Variants in SLC9A1 observed in about 807,000 individuals in gnomAD.
SLC9A1 encodes the protein solute carrier family 9 member A1.
A neutral mutation model predicts 67.9 loss-of-function variants in SLC9A1; 22 were observed. That is an observed-to-expected ratio of 0.32 (90% CI 0.23 to 0.46). The LOEUF (loss-of-function observed/expected upper bound fraction) is 0.46. Among genes scored for constraint, SLC9A1 ranks in the 20% least tolerant of loss-of-function variants. SLC9A1 has a pLI of 1.00. For synonymous variants in SLC9A1, 421 were observed against 471.8 expected (o/e 0.89, Z 1.40); for missense variants, 686 against 1,094.8 (o/e 0.63, Z 5.27).
chr1:27,106,393 C>T lies in SLC9A1; in HGVS notation c.1283-306G>A, dbSNP rs1302161399. On this transcript the variant is annotated intron_variant, in intron 4 of 11. Coordinates refer to ENST00000263980, the MANE Select transcript of SLC9A1 (RefSeq NM_003047.5). The surrounding 1 kb of genome is among the most constrained non-coding windows in gnomAD (Gnocchi z 4.3). ...AAACAAGATGGGTCACAGGTCAATA[C>T]TTGTTAAATGTGATGGGTGTGTGGG... is the stretch of plus-strand genomic sequence containing the variant. Among the ~76,000 whole-genome samples, 1 of 152,118 alleles carries T rather than the reference C, an allele frequency of 6.6e-6. No homozygotes were observed. Among genetic ancestry groups the T allele is most frequent in the Non-Finnish European group, 1.5e-5 (1 of 67,994 alleles).
At chr1:27,103,435 G>A (rs1028574267) in intron 5 of SLC9A1, 123 bp from the exon 6 acceptor site, 2 of 746,710 alleles carry the variant, frequency 2.7e-6, no homozygotes, top group South Asian at 2.8e-5. Flanking sequence ...CTCTCTCCCA[G>A]GACCCAAGGG....
intron 1 of SLC9A1, among the ~76,000 whole-genome samples, chr1:27,148,771 C>A (rs1236371326): frequency 6.6e-6 from 1 of 152,146 alleles, no homozygotes; most frequent in African/African-American, 2.4e-5. Context: ...AAAGTTGTGC[C>A]ACCTGCTCCC....
intron 1 of SLC9A1, among the ~76,000 whole-genome samples, chr1:27,123,391 T>C (rs1429028688): frequency 6.6e-6 from 1 of 152,234 alleles, no homozygotes; most frequent in Non-Finnish European, 1.5e-5. Context: ...ACACATGCTG[T>C]GCTTCAACTG....
In SLC9A1 at chr1:27,109,901, AGCAGAGAAACCCTAGTG is replaced by A; in HGVS notation, c.814-141_814-125del. Reference sequence around the variant, plus strand: ...TGGCCACAAGAAGAGGCCACACGGTAGCAGAGAAACCCTAGTGCCAAGCAGGTGCTCAAAACCTCAGC... The same window carrying A: ...TGGCCACAAGAAGAGGCCACACGGTACCAAGCAGGTGCTCAAAACCTCAGC... On this transcript the variant is annotated intron_variant, in intron 2 of 11. Coordinates refer to ENST00000263980, the MANE Select transcript of SLC9A1 (RefSeq NM_003047.5). This position sits in a 1 kb window ranked among gnomAD's most constrained non-coding sequence, Gnocchi z 5.5. The A allele has an allele frequency of 8.7e-7, 1 of 1,147,490 alleles. No individual in the cohort carries two copies. 71.1% of individuals were successfully genotyped at this position (1,147,490 alleles called of 1,614,324 possible). A position where few individuals can be genotyped will look rare whatever the true frequency, so the allele number is the denominator to read the frequency against.
In SLC9A1 at chr1:27,100,251, C is replaced by A; in HGVS notation, c.*56G>T. The A allele has an allele frequency of 2.2e-6, 3 of 1,334,620 alleles. No homozygotes were observed. The allele number at this position is 1,334,620 out of a possible 1,614,324, so 82.7% of individuals were successfully genotyped here. A position where few individuals can be genotyped will look rare whatever the true frequency, so the allele number is the denominator to read the frequency against. Reference sequence around the variant, plus strand: ...AAGGGCAAGGGGAGCCCCCAGCAGCCCCTGCTCTGGTGGAAGAGTCTGTGA... The same window carrying A: ...AAGGGCAAGGGGAGCCCCCAGCAGCACCTGCTCTGGTGGAAGAGTCTGTGA... On this transcript the variant is annotated 3_prime_UTR_variant, in exon 12 of 12. Coordinates refer to ENST00000263980, the MANE Select transcript of SLC9A1 (RefSeq NM_003047.5). This position sits in a 1 kb window ranked among gnomAD's most constrained non-coding sequence, Gnocchi z 5.6.
rs116006263 is a variant in SLC9A1, at chr1:27,147,637, T to A, written c.352+6346A>T. 1.5e-4 allele frequency among the ~76,000 whole-genome samples: 23 copies of A among 152,010 alleles called. No homozygotes were observed. In the South Asian group the frequency reaches 4.8e-3, roughly 32 times the overall value. On this transcript the variant is annotated intron_variant, in intron 1 of 11. Transcript: ENST00000263980. ...GGACAACAAAATTGGAAGATCCCCA[T>A]CCCCCATCTCTAAAAAAACAAAACA... is the stretch of plus-strand genomic sequence containing the variant.
chr1:27,101,685 T>C lies in SLC9A1; in HGVS notation c.2037+40A>G. 2 of 1,406,952 alleles carry C rather than the reference T, an allele frequency of 1.4e-6. No homozygotes were observed. Among genetic ancestry groups the C allele is most frequent in the Non-Finnish European group, 2.0e-6 (2 of 1,001,374 alleles). The allele number at this position is 1,406,952 out of a possible 1,614,324, so 87.2% of individuals were successfully genotyped here. A position where few individuals can be genotyped will look rare whatever the true frequency, so the allele number is the denominator to read the frequency against. On this transcript the variant is annotated intron_variant, in intron 10 of 11. Coordinates refer to ENST00000263980, the MANE Select transcript of SLC9A1 (RefSeq NM_003047.5). This position sits in a 1 kb window ranked among gnomAD's most constrained non-coding sequence, Gnocchi z 4.9. ...GAGGCTGTGGCGGAGCTTGGGCGAG[T>C]GGGGTGGGATACAGATTCCCAGAGG...
chr1:27,151,813 C>A (rs1421882940), intron 1 of SLC9A1, among the ~76,000 whole-genome samples: 2 of 152,150 alleles, frequency 1.3e-5, no homozygotes, highest in Non-Finnish European at 2.9e-5. Context: ...ATCTTTAGAC[C>A]ACCTTTCTCT....
rs527459920 is a variant in SLC9A1 at position 27,109,460 on chromosome 1, G to A, written c.1064+67C>T. The A allele has an allele frequency of 1.9e-6, 3 of 1,558,976 alleles. No homozygotes were observed. The highest frequency in any genetic ancestry group is 1.1e-5 in the South Asian group (1 of 88,900). Reference sequence around the variant, plus strand: ...GGAGCTCCGTGAACCTACGAGCCTGGGGAATCCAAGCTGGCAGCCCCCGCC... The same window carrying A: ...GGAGCTCCGTGAACCTACGAGCCTGAGGAATCCAAGCTGGCAGCCCCCGCC... On this transcript the variant is annotated intron_variant, in intron 3 of 11. Coordinates refer to ENST00000263980, the MANE Select transcript of SLC9A1 (RefSeq NM_003047.5). This position sits in a 1 kb window ranked among gnomAD's most constrained non-coding sequence, Gnocchi z 5.5.
chr1:27,150,463 G>GA (rs1444464183), intron 1 of SLC9A1, among the ~76,000 whole-genome samples: 1 of 152,162 alleles, frequency 6.6e-6, no homozygotes, highest in Non-Finnish European at 1.5e-5. Flanking sequence ...CTCTCCTCTG[G>GA]AATAAGTACT....
Position 27,101,693 on chromosome 1 carries a change from G to A in SLC9A1, c.2037+32C>T. The A allele has an allele frequency of 1.4e-6, 2 of 1,473,048 alleles. No individual in the cohort carries two copies. 91.2% of individuals were successfully genotyped at this position (1,473,048 alleles called of 1,614,324 possible). A position where few individuals can be genotyped will look rare whatever the true frequency, so the allele number is the denominator to read the frequency against. On this transcript the variant is annotated intron_variant, in intron 10 of 11. Coordinates refer to ENST00000263980, the MANE Select transcript of SLC9A1 (RefSeq NM_003047.5). The surrounding 1 kb of genome is among the most constrained non-coding windows in gnomAD (Gnocchi z 4.9). ...GGCGGAGCTTGGGCGAGTGGGGTGG[G>A]ATACAGATTCCCAGAGGAAGGCAGA...
chr1:27,134,920 A>T (rs2083409582), intron 1 of SLC9A1, among the ~76,000 whole-genome samples: 3 of 147,138 alleles, frequency 2.0e-5, no homozygotes, highest in Admixed American at 2.0e-4. Context: ...TATTTTTAGT[A>T]GAGATGGGGT....
At chr1:27,104,528 A>T (rs1055060971) in intron 5 of SLC9A1, among the ~76,000 whole-genome samples, 3 of 152,118 alleles carry the variant, frequency 2.0e-5, no homozygotes, top group African/African-American at 2.4e-5. Flanking sequence ...CCTGGGACTT[A>T]CAGGTGTGTA....
At chr1:27,145,545 T>C (rs2083479879) in intron 1 of SLC9A1, among the ~76,000 whole-genome samples, 1 of 152,248 alleles carries the variant, frequency 6.6e-6, no homozygotes, top group South Asian at 2.1e-4. Flanking sequence ...TTGTGGGCTC[T>C]AACACACAGC....
At chr1:27,144,504 G>C (rs1229992131) in intron 1 of SLC9A1, among the ~76,000 whole-genome samples, 2 of 152,184 alleles carry the variant, frequency 1.3e-5, no homozygotes, top group Non-Finnish European at 2.9e-5. Context: ...CGCTCCCAGC[G>C]AGCTCAGTTA....
chr1:27,126,632 A>C (rs892385703), intron 1 of SLC9A1, among the ~76,000 whole-genome samples: 1 of 152,112 alleles, frequency 6.6e-6, no homozygotes, highest in East Asian at 1.9e-4. Context: ...CCTCCAGACC[A>C]CAAGCAAGTT....
At chr1:27,144,580 G>A (rs1557434883) in intron 1 of SLC9A1, among the ~76,000 whole-genome samples, 1 of 152,252 alleles carries the variant, frequency 6.6e-6, no homozygotes, top group African/African-American at 2.4e-5. Context: ...TCCTCTCTGA[G>A]CAGTCAAACT....
At chr1:27,105,576 C>T (rs112545753) in intron 5 of SLC9A1, 14 of 639,940 alleles carry the variant, frequency 2.2e-5, no homozygotes, top group Admixed American at 1.4e-4. Context: ...GGATTACAGG[C>T]GTTGAGTCAC....
chr1:27,105,485 A>G (rs184001003), intron 5 of SLC9A1: 3 of 544,446 alleles, frequency 5.5e-6, no homozygotes, highest in Non-Finnish European at 1.0e-5. Context: ...TTTAGTAGAG[A>G]CGGGGTTTCA....
Sources: gnomAD v4.1 joint callset for allele counts (sites outside exome capture counted in the v4.1 genomes callset) on GRCh38, gnomAD v4.1.1 for gene constraint, Gnocchi (gnomAD v3.1) non-coding constraint, MANE v1.5 for transcripts, NCBI Gene and HGNC (gene_info 2026-07-23, HGNC 2026-07-21) for gene names.